The following RASEF variants were observed in gnomAD, a reference collection of about 807,000 sequenced individuals.
RASEF encodes RAS and EF-hand domain containing.
A neutral mutation model predicts 90.1 loss-of-function variants in RASEF; 68 were observed. The observed-to-expected ratio is 0.75, with a 90% CI of 0.62 to 0.92. The LOEUF (loss-of-function observed/expected upper bound fraction) is 0.92, where lower values mean the gene tolerates loss of function less well. Among genes scored for constraint, RASEF ranks in the 40% least tolerant of loss-of-function variants. The pLI is 0.00. For missense variants in RASEF, 949 were observed against 937.2 expected, an observed-to-expected ratio of 1.01 and a Z score of -0.16; for synonymous variants, 331 against 345.2, an observed-to-expected ratio of 0.96 and a Z score of 0.46.
At chr9:83,005,373 C>A (rs1188089220) in intron 8 of RASEF, 43 bp downstream of exon 8, 1 of 1,380,042 alleles carries the variant, frequency 7.2e-7, no homozygotes, top group South Asian at 1.2e-5. Flanking sequence ...AAATACTCCA[C>A]CACTAGAAAG....
In RASEF at chr9:83,022,445, C is replaced by T; in HGVS notation, c.579-19G>A. ...CTGGGCTCTGAAATTCAAAAGGATG[C>T]ACACCTTTTCATTATACTCTTGAAC... On this transcript the variant is annotated intron_variant, in intron 2 of 16. Transcript: ENST00000376447. The T allele has an allele frequency of 1.5e-5, 23 of 1,539,422 alleles. No homozygotes were observed. The highest frequency in any genetic ancestry group is 2.1e-5 in the Non-Finnish European group (23 of 1,111,940).
chr9:83,043,023 T>C (rs1829867899), intron 1 of RASEF, among the ~76,000 whole-genome samples: 1 of 152,302 alleles, frequency 6.6e-6, no homozygotes, highest in East Asian at 1.9e-4. Flanking sequence ...GGGATAAAGC[T>C]AGACTTCATA....
intron 5 of RASEF, among the ~76,000 whole-genome samples, chr9:83,010,390 C>CA (rs1197665288): frequency 6.6e-6 from 1 of 152,096 alleles, no homozygotes; most frequent in African/African-American, 2.4e-5. Context: ...CAGCCCAGAG[C>CA]ATTCAAGTGA....
the RASEF span, among the ~76,000 whole-genome samples, chr9:83,131,317 T>A: frequency 1.3e-5 from 2 of 152,092 alleles, no homozygotes; most frequent in African/African-American, 4.8e-5. Flanking sequence ...GGCAAAAAAA[T>A]TATGAGATAG....
chr9:83,085,312 T>C, the RASEF span, among the ~76,000 whole-genome samples: 1 of 152,348 alleles, frequency 6.6e-6, no homozygotes, highest in African/African-American at 2.4e-5. Flanking sequence ...TCAATGTCCA[T>C]GACATGAAAT....
rs535256859 is a variant in RASEF at position 83,033,192 on chromosome 9, T to A, written c.432-7271A>T. 5.9e-5 allele frequency among the ~76,000 whole-genome samples: 9 copies of A among 152,316 alleles called. No homozygotes were observed. In the East Asian group the frequency reaches 7.7e-4, roughly 13 times the overall value. On this transcript the variant is annotated intron_variant, in intron 1 of 16. Coordinates refer to ENST00000376447, the MANE Select transcript of RASEF (RefSeq NM_152573.4). Reference sequence around the variant, plus strand: ...CTAAGGAATGCCACAAGAACACTGATGCTAAGATCCTAGCATCTGAACATG... The same window carrying A: ...CTAAGGAATGCCACAAGAACACTGAAGCTAAGATCCTAGCATCTGAACATG...
Position 83,009,112 on chromosome 9 carries a change from G to A in RASEF, c.959+529C>T, listed in dbSNP as rs1211943062. On this transcript the variant is annotated intron_variant, in intron 6 of 16. Coordinates refer to ENST00000376447, the MANE Select transcript of RASEF (RefSeq NM_152573.4). ...CCAAAAAAAGATATTTTTCCCAAGT[G>A]TACATGTCCTAGGGGATACACACAT... Among the ~76,000 whole-genome samples the A allele has an allele frequency of 2.0e-5, 3 of 151,000 alleles. No individual in the cohort carries two copies. In the East Asian group the frequency reaches 5.8e-4, roughly 29 times the overall value.
chr9:83,155,326 C>G, the RASEF span, among the ~76,000 whole-genome samples: 5 of 152,080 alleles, frequency 3.3e-5, no homozygotes, highest in Admixed American at 6.6e-5. Flanking sequence ...ACTGGGTAAT[C>G]TATAAAGAAA....
chr9:82,999,533 T>C (rs1004238575), intron 12 of RASEF, among the ~76,000 whole-genome samples: 1 of 152,168 alleles, frequency 6.6e-6, no homozygotes, highest in African/African-American at 2.4e-5. Flanking sequence ...AGGAAATACA[T>C]GCTGAATAAA....
intron 1 of RASEF, among the ~76,000 whole-genome samples, chr9:83,030,471 TA>T (rs1341176330): frequency 6.6e-6 from 1 of 152,190 alleles, no homozygotes; most frequent in Non-Finnish European, 1.5e-5. Context: ...TGCAAATTTC[TA>T]AAATGAGAAA....
chr9:83,186,528 A>G, the RASEF span, among the ~76,000 whole-genome samples: 5 of 152,162 alleles, frequency 3.3e-5, no homozygotes, highest in South Asian at 2.1e-4. Flanking sequence ...CTGTTCCTGC[A>G]CTACTTTGCA....
the RASEF span, among the ~76,000 whole-genome samples, chr9:83,128,138 C>A: frequency 6.7e-6 from 1 of 148,282 alleles, no homozygotes; most frequent in African/African-American, 2.5e-5. Context: ...CTTAGCAATT[C>A]TTAGCAACTC....
At chr9:82,991,797 GA>G (rs1348034812) in intron 15 of RASEF, among the ~76,000 whole-genome samples, 2 of 152,230 alleles carry the variant, frequency 1.3e-5, no homozygotes, top group Non-Finnish European at 2.9e-5. Flanking sequence ...AAATCATGGA[GA>G]GGGAATAAAG....
the RASEF span, among the ~76,000 whole-genome samples, chr9:83,076,181 AT>A: frequency 6.6e-6 from 1 of 151,326 alleles, no homozygotes; most frequent in South Asian, 2.1e-4. Context: ...AAAAAAAAAA[AT>A]CTAAAGCCAC....
intron 2 of RASEF, among the ~76,000 whole-genome samples, chr9:83,023,296 T>C (rs934433510): frequency 2.0e-5 from 3 of 152,234 alleles, no homozygotes; most frequent in African/African-American, 7.2e-5. Context: ...AGGAGTGCAA[T>C]TATAAATCAC....
At chr9:83,216,486 G>A in the RASEF span, among the ~76,000 whole-genome samples, 41 of 152,296 alleles carry the variant, frequency 2.7e-4, no homozygotes, top group East Asian at 5.2e-3. Context: ...CAGCTTCCAC[G>A]TGGTCTTGAG....
the RASEF span, among the ~76,000 whole-genome samples, chr9:83,190,934 A>G: frequency 2.6e-5 from 4 of 152,190 alleles, no homozygotes; most frequent in African/African-American, 9.7e-5. Flanking sequence ...CCTTTTGGAA[A>G]CGCTAGGATT....
the RASEF span, among the ~76,000 whole-genome samples, chr9:83,218,520 C>A: frequency 6.6e-6 from 1 of 152,000 alleles, no homozygotes; most frequent in Admixed American, 6.5e-5. Flanking sequence ...GCCCACAGAC[C>A]GTGGGGGTAG....
the RASEF span, among the ~76,000 whole-genome samples, chr9:83,108,160 A>G: frequency 6.6e-6 from 1 of 152,168 alleles, no homozygotes; most frequent in Non-Finnish European, 1.5e-5. Context: ...GGTAGTGTTT[A>G]CATGGGTGTA....
Sources: allele counts gnomAD v4.1 joint callset (sites outside exome capture counted in the v4.1 genomes callset), GRCh38; gene constraint gnomAD v4.1.1; transcripts MANE v1.5; gene names NCBI Gene and HGNC (gene_info 2026-07-23, HGNC 2026-07-21).